MTHFD2L: variants seen among roughly 807,000 people sequenced by gnomAD.
MTHFD2L encodes the protein bifunctional methylenetetrahydrofolate dehydrogenase/cyclohydrolase 2, mitochondrial.
MTHFD2L carries 29 observed loss-of-function variants against 34.9 expected under a neutral mutation model. The ratio of observed to expected loss-of-function variants is 0.83; its 90% CI spans 0.62 to 1.13. MTHFD2L has a LOEUF of 1.13. Ranked by LOEUF, MTHFD2L falls within the 50% of genes most tolerant of loss-of-function variation. The probability of loss-of-function intolerance (pLI) is 0.00; values close to 1 mark genes in which losing one functional copy is unlikely to be tolerated. For missense variants in MTHFD2L, 481 were observed against 446.5 expected (o/e 1.08, Z -0.70); for synonymous variants, 167 against 155.7 (o/e 1.07, Z -0.54).
chr4:74,244,817 C>T (rs1344676560), intron 6 of MTHFD2L, among the ~76,000 whole-genome samples: 1 of 152,076 alleles, frequency 6.6e-6, no homozygotes, highest in Non-Finnish European at 1.5e-5. Flanking sequence ...AAGATATCCA[C>T]AATTATCATA....
intron 1 of MTHFD2L, among the ~76,000 whole-genome samples, chr4:74,148,916 G>A (rs953469859): frequency 6.6e-6 from 1 of 151,576 alleles, no homozygotes; most frequent in African/African-American, 2.4e-5. Context: ...TATTTCTTAG[G>A]CCCCTTTGCT....
intron 1 of MTHFD2L, among the ~76,000 whole-genome samples, chr4:74,141,547 C>A (rs1171915138): frequency 6.6e-6 from 1 of 152,154 alleles, no homozygotes; most frequent in Non-Finnish European, 1.5e-5. Context: ...GTCTTCTAAC[C>A]CTCCAAGGTC....
intron 5 of MTHFD2L, among the ~76,000 whole-genome samples, chr4:74,219,542 G>A (rs764852888): frequency 2.6e-5 from 4 of 152,058 alleles, no homozygotes; most frequent in Admixed American, 6.6e-5. Context: ...ATTAATGGAC[G>A]ATAAGAATTG....
chr4:74,297,320 A>C (rs1749750914), intron 7 of MTHFD2L, among the ~76,000 whole-genome samples: 1 of 152,092 alleles, frequency 6.6e-6, no homozygotes, highest in Non-Finnish European at 1.5e-5. Flanking sequence ...AAATAGTTTC[A>C]GTAGGTCTAA....
At chr4:74,205,079 G>A (rs531337693) in intron 5 of MTHFD2L, among the ~76,000 whole-genome samples, 10 of 152,116 alleles carry the variant, frequency 6.6e-5, no homozygotes, top group African/African-American at 1.4e-4. Context: ...TAGAATTACA[G>A]TAACTAAAAG....
At chr4:74,296,027 C>A in intron 7 of MTHFD2L, among the ~76,000 whole-genome samples, 1 of 152,138 alleles carries the variant, frequency 6.6e-6, no homozygotes, top group South Asian at 2.1e-4. Flanking sequence ...TTTTTAATGT[C>A]CATCTTCCCA....
intron 3 of MTHFD2L, among the ~76,000 whole-genome samples, chr4:74,175,848 G>A (rs1396825374): frequency 6.6e-6 from 1 of 151,980 alleles, no homozygotes; most frequent in African/African-American, 2.4e-5. Context: ...TAAAACATTA[G>A]AAACATTGAG....
At chr4:74,167,815 A>G (rs1375832572) in intron 1 of MTHFD2L, among the ~76,000 whole-genome samples, 2 of 152,222 alleles carry the variant, frequency 1.3e-5, no homozygotes, top group African/African-American at 4.8e-5. Context: ...GCTCATGCAG[A>G]AGTGTGTAAC....
rs1011816782 is a variant in MTHFD2L, at chr4:74,165,573, G to A, written c.143+7292G>A. On this transcript the variant is annotated intron_variant, in intron 1 of 7. Coordinates refer to ENST00000325278, the MANE Select transcript of MTHFD2L (RefSeq NM_001144978.3). ...GGGTTTCACCATATTGGTCAGGCTG[G>A]TCTTGAACTCCTGACCTCGTGATCC... 3.9e-5 allele frequency among the ~76,000 whole-genome samples: 6 copies of A among 152,088 alleles called. No individual in the cohort carries two copies. In the South Asian group the frequency reaches 1.2e-3, roughly 32 times the overall value.
intron 3 of MTHFD2L, 53 bp downstream of exon 3, chr4:74,175,456 C>T: frequency 6.6e-7 from 1 of 1,517,506 alleles, no homozygotes; most frequent in Non-Finnish European, 8.9e-7. Flanking sequence ...AAACAAAGGG[C>T]ATCTTTCAAC....
chr4:74,140,643 T>C, intron 1 of MTHFD2L: 1 of 693,378 alleles, frequency 1.4e-6, no homozygotes, highest in Non-Finnish European at 1.8e-6. Flanking sequence ...AGAGACTGGG[T>C]AATTTATAAA....
At chr4:74,295,165 C>A (rs1749475476) in intron 7 of MTHFD2L, among the ~76,000 whole-genome samples, 1 of 151,974 alleles carries the variant, frequency 6.6e-6, no homozygotes, top group Non-Finnish European at 1.5e-5. Flanking sequence ...GTTTCTTGAC[C>A]CCATATAGCC....
At chr4:74,257,042 G>A (rs1744113282) in intron 6 of MTHFD2L, among the ~76,000 whole-genome samples, 1 of 152,106 alleles carries the variant, frequency 6.6e-6, no homozygotes, top group African/African-American at 2.4e-5. Context: ...TCTGTAGATT[G>A]TTTTAGGCAG....
intron 1 of MTHFD2L, among the ~76,000 whole-genome samples, chr4:74,139,352 G>T (rs182905822): frequency 4.7e-4 from 72 of 152,296 alleles, no homozygotes; most frequent in Non-Finnish European, 9.4e-4. Flanking sequence ...CTCTGATTTG[G>T]CATCTCCTTT....
upstream of MTHFD2L, among the ~76,000 whole-genome samples, chr4:74,122,401 C>T (rs984607879): frequency 6.6e-6 from 1 of 152,104 alleles, no homozygotes; most frequent in African/African-American, 2.4e-5. Flanking sequence ...TTTTACACCA[C>T]CAGATCTCAT....
chr4:74,254,479 A>G (rs1431679361), intron 6 of MTHFD2L, among the ~76,000 whole-genome samples: 4 of 152,142 alleles, frequency 2.6e-5, no homozygotes, highest in Non-Finnish European at 4.4e-5. Flanking sequence ...GTGTCATGGT[A>G]TATTCAAAGT....
At chr4:74,171,094 A>G (rs1441275064) in intron 1 of MTHFD2L, among the ~76,000 whole-genome samples, 1 of 152,118 alleles carries the variant, frequency 6.6e-6, no homozygotes, top group Non-Finnish European at 1.5e-5. Flanking sequence ...AAACCTGCAC[A>G]TTGTGCACAT....
chr4:74,214,802 C>T (rs1469610923), intron 5 of MTHFD2L, among the ~76,000 whole-genome samples: 2 of 151,750 alleles, frequency 1.3e-5, no homozygotes, highest in Non-Finnish European at 1.5e-5. Context: ...TGAAGCTGCG[C>T]CCACAGCCGC....
At position 74,207,585 on chromosome 4, in the gene MTHFD2L, C is replaced by T. The variant is rs114161524; in HGVS notation, c.712+6215C>T. Among the ~76,000 whole-genome samples, 825 of 152,178 alleles carry T rather than the reference C, an allele frequency of 5.4e-3. 4 individuals are homozygous for T. Among genetic ancestry groups the T allele is most frequent in the African/African-American group, 0.019 (789 of 41,534 alleles). The stretch of plus-strand genomic sequence containing the variant: ...ATTCATCTTTGCAGTGGGTGTTTTC[C>T]GAAGGCACTGCCTCTGCATTGGCAT... On this transcript the variant is annotated intron_variant, in intron 5 of 7. Transcript: ENST00000325278.
Sources: gnomAD v4.1 joint callset for allele counts (sites outside exome capture counted in the v4.1 genomes callset) on GRCh38, gnomAD v4.1.1 for gene constraint, MANE v1.5 for transcripts, NCBI Gene and HGNC (gene_info 2026-07-23, HGNC 2026-07-21) for gene names.